NEURL1B: variants seen among roughly 807,000 people sequenced by gnomAD.
The protein encoded by NEURL1B is E3 ubiquitin-protein ligase NEURL1B.
Under a neutral mutation model 37.4 loss-of-function variants are expected in NEURL1B, and 13 were observed. That is an observed-to-expected ratio of 0.35 (90% CI 0.23 to 0.55). The LOEUF (loss-of-function observed/expected upper bound fraction) is 0.55, where lower values mean the gene tolerates loss of function less well. Among genes scored for constraint, NEURL1B ranks in the 20% least tolerant of loss-of-function variants. NEURL1B has a pLI of 0.89. For synonymous variants in NEURL1B, 432 were observed against 426.6 expected, an observed-to-expected ratio of 1.01 and a Z score of -0.16; for missense variants, 790 against 879.2, an observed-to-expected ratio of 0.90 and a Z score of 1.28.
chr5:172,644,787 C>T (rs888195597), intron 1 of NEURL1B, among the ~76,000 whole-genome samples: 11 of 152,128 alleles, frequency 7.2e-5, no homozygotes, highest in African/African-American at 2.4e-4. Context: ...CCTTCTCTCT[C>T]GAGTCCGTTA....
intron 2 of NEURL1B, among the ~76,000 whole-genome samples, chr5:172,677,596 A>G (rs1758255029): frequency 6.6e-6 from 1 of 152,194 alleles, no homozygotes; most frequent in South Asian, 2.1e-4. Context: ...GTCATGCCCC[A>G]GCACACCAAG....
chr5:172,673,690 C>CT (rs1423349375), intron 2 of NEURL1B, among the ~76,000 whole-genome samples: 1 of 151,954 alleles, frequency 6.6e-6, no homozygotes, highest in African/African-American at 2.4e-5. Flanking sequence ...CCTCGACCTC[C>CT]TGGGCCTAAG....
At chr5:172,682,057 C>A (rs919143198) in intron 2 of NEURL1B, among the ~76,000 whole-genome samples, 1 of 152,340 alleles carries the variant, frequency 6.6e-6, no homozygotes, top group Admixed American at 6.5e-5. Flanking sequence ...TTGCCAAGCC[C>A]TGAGAACATG....
intron 2 of NEURL1B, among the ~76,000 whole-genome samples, chr5:172,673,007 C>T (rs186908871): frequency 2.1e-5 from 3 of 141,442 alleles, no homozygotes; most frequent in Non-Finnish European, 4.5e-5. Context: ...GTTTCTGACA[C>T]GTGATTGAGG....
In NEURL1B at chr5:172,670,296, T is replaced by A; in HGVS notation, c.543T>A (p.Asp181Glu). The stretch of plus-strand genomic sequence containing the variant: ...GCGGCCCGCTCTGGGCGCTCATTGA[T>A]GTCTACGGCATCACCGACGAGGTGC... ...AVGGPLWALI[D>E]VYGITDEVQL... Residue 181 changes from aspartate (D) to glutamate (E), a missense_variant, in exon 2 of 5, where the codon GAT becomes GAA. Transcript: ENST00000369800. The A allele has an allele frequency of 7.2e-7, 1 of 1,380,200 alleles. No individual in the cohort carries two copies. Among genetic ancestry groups the A allele is most frequent in the Non-Finnish European group, 9.3e-7 (1 of 1,071,452 alleles). The allele number at this position is 1,380,200 out of a possible 1,614,324, so 85.5% of individuals were successfully genotyped here.
intron 1 of NEURL1B, among the ~76,000 whole-genome samples, chr5:172,653,635 G>A (rs561707253): frequency 4.4e-4 from 67 of 152,224 alleles, no homozygotes; most frequent in African/African-American, 1.6e-3. Flanking sequence ...TTTAAAACTT[G>A]CTTAAACCTT....
intron 1 of NEURL1B, among the ~76,000 whole-genome samples, chr5:172,645,062 A>G (rs1022224240): frequency 6.6e-6 from 1 of 152,224 alleles, no homozygotes; most frequent in African/African-American, 2.4e-5. Context: ...GTATTAGCTC[A>G]ATAACCGGGC....
chr5:172,683,433 G>A lies in NEURL1B; in HGVS notation c.592G>A (p.Asp198Asn). The stretch of plus-strand genomic sequence containing the variant: ...TGTCCGCACAGAGAGCGCCTTCGCT[G>A]ACACGCTGACGCCCGCGCGCCTCAG... ...EVQLLESAFADTLTPARLSQA... is the reference protein window; with the variant it reads ...EVQLLESAFANTLTPARLSQA... The change falls in exon 3 of 5, where the codon GAC becomes AAC. Residue 198 changes from aspartate (D) to asparagine (N), a missense_variant. Coordinates refer to ENST00000369800, the MANE Select transcript of NEURL1B (RefSeq NM_001142651.3). This position sits in a 1 kb window ranked among gnomAD's most constrained non-coding sequence, Gnocchi z 5.6. 1 of 1,419,422 alleles carries A rather than the reference G, an allele frequency of 7.0e-7. No individual in the cohort carries two copies. The highest frequency in any genetic ancestry group is 9.2e-7 in the Non-Finnish European group (1 of 1,084,232). The allele number at this position is 1,419,422 out of a possible 1,614,324, so 87.9% of individuals were successfully genotyped here. A position where few individuals can be genotyped will look rare whatever the true frequency, so the allele number is the denominator to read the frequency against.
chr5:172,684,094 T>C lies in NEURL1B; in HGVS notation c.1253T>C (p.Phe418Ser). Residue 418 changes from phenylalanine (F) to serine (S), a missense_variant, in exon 3 of 5, where the codon TTC (phenylalanine) becomes TCC (serine). This residue lies in a region of NEURL1B where 460 missense variants were observed against 407.4 expected (regional missense o/e 1.13). Coordinates refer to ENST00000369800, the MANE Select transcript of NEURL1B (RefSeq NM_001142651.3). ...CVDTTQALWA[F>S]FAVRGGVAGQ... Reference sequence around the variant, plus strand: ...GACACCACGCAGGCGCTCTGGGCCTTCTTCGCCGTGCGCGGCGGCGTCGCG... The same window carrying C: ...GACACCACGCAGGCGCTCTGGGCCTCCTTCGCCGTGCGCGGCGGCGTCGCG... The C allele has an allele frequency of 7.8e-7, 1 of 1,281,934 alleles. No individual in the cohort carries two copies. The highest frequency in any genetic ancestry group is 9.9e-7 in the Non-Finnish European group (1 of 1,014,280). 79.4% of individuals were successfully genotyped at this position (1,281,934 alleles called of 1,614,324 possible). A position where few individuals can be genotyped will look rare whatever the true frequency, so the allele number is the denominator to read the frequency against.
At position 172,686,214 on chromosome 5, in the gene NEURL1B, C is replaced by A. The variant is rs369713049; in HGVS notation, c.1341C>A (p.Ser447=). 4 of 1,551,684 alleles carry A rather than the reference C, an allele frequency of 2.6e-6. No homozygotes were observed. The highest frequency in any genetic ancestry group is 2.6e-6 in the Non-Finnish European group (3 of 1,146,988). Residue 447 remains serine, a synonymous_variant, in exon 4 of 5, where the codon TCC becomes TCA. Transcript: ENST00000369800. This position sits in a 1 kb window ranked among gnomAD's most constrained non-coding sequence, Gnocchi z 7.9. ...SSPATTTPSG[S]LSGSQDDSDS... is the part of the protein sequence containing the mutation. ...CTGCGACCACGACTCCATCAGGGTC[C>A]CTCAGCGGCTCCCAGGACGATAGTG...
intron 2 of NEURL1B, among the ~76,000 whole-genome samples, chr5:172,681,769 GATTTC>G (rs1196895465): frequency 3.3e-5 from 5 of 152,168 alleles, no homozygotes. Flanking sequence ...GCATTCTTAT[GATTTC>G]ATTTCATATT....
chr5:172,664,356 A>G (rs1757967722), intron 1 of NEURL1B, among the ~76,000 whole-genome samples: 1 of 152,132 alleles, frequency 6.6e-6, no homozygotes, highest in Admixed American at 6.5e-5. Context: ...ATTAGCTGGT[A>G]TCATGTGTCA....
At chr5:172,655,569 G>T (rs1757757812) in intron 1 of NEURL1B, among the ~76,000 whole-genome samples, 1 of 152,144 alleles carries the variant, frequency 6.6e-6, no homozygotes, top group South Asian at 2.1e-4. Context: ...AACACCACCA[G>T]CAGGGTGGTC....
At chr5:172,650,195 G>A (rs1259996988) in intron 1 of NEURL1B, among the ~76,000 whole-genome samples, 4 of 152,124 alleles carry the variant, frequency 2.6e-5, no homozygotes, top group Non-Finnish European at 4.4e-5. Context: ...GCTGTACTCC[G>A]TGTCTCCATT....
chr5:172,644,411 G>A (rs374428392), intron 1 of NEURL1B, among the ~76,000 whole-genome samples: 12 of 152,298 alleles, frequency 7.9e-5, no homozygotes, highest in Middle Eastern at 3.4e-3. Flanking sequence ...CTCCCAGCCC[G>A]TGATTTAGAT....
At chr5:172,684,188 T>A (rs905173011) in intron 3 of NEURL1B, 50 bp downstream of exon 3, 1 of 1,092,850 alleles carries the variant, frequency 9.2e-7, no homozygotes, top group East Asian at 4.3e-5. Context: ...CCCCGTCCCG[T>A]GCCGTCTCAC....
intron 1 of NEURL1B, among the ~76,000 whole-genome samples, chr5:172,652,018 T>C (rs1757675236): frequency 6.6e-6 from 1 of 152,230 alleles, no homozygotes; most frequent in Admixed American, 6.5e-5. Flanking sequence ...AATACCACCA[T>C]ACATCCGCTC....
intron 1 of NEURL1B, among the ~76,000 whole-genome samples, chr5:172,645,205 T>A (rs1757538223): frequency 6.6e-6 from 1 of 152,092 alleles, no homozygotes; most frequent in Non-Finnish European, 1.5e-5. Context: ...TATCCCCATT[T>A]TACAGGGCAG....
At position 172,657,326 on chromosome 5, in the gene NEURL1B, G is replaced by A. The variant is rs1757815720; in HGVS notation, c.32-12459G>A. Among the ~76,000 whole-genome samples, 1 of 152,124 alleles carries A rather than the reference G, an allele frequency of 6.6e-6. No individual in the cohort carries two copies. The highest frequency in any genetic ancestry group is 1.9e-4 in the East Asian group (1 of 5,198). On this transcript the variant is annotated intron_variant, in intron 1 of 4. Transcript: ENST00000369800. This position sits in a 1 kb window ranked among gnomAD's most constrained non-coding sequence, Gnocchi z 4.0. ...GGAGATTCTAATCAGGGCTCCTGTG[G>A]GTGGAGGATTACCCAGGTGCCGAGG...
Sources: gnomAD v4.1 joint callset for allele counts (sites outside exome capture counted in the v4.1 genomes callset) on GRCh38, gnomAD v4.1.1 for gene constraint, gnomAD v4.1.1 regional missense constraint, Gnocchi (gnomAD v3.1) non-coding constraint, MANE v1.5 for transcripts, NCBI Gene and HGNC (gene_info 2026-07-23, HGNC 2026-07-21) for gene names.